The following VDAC3 variants were observed in gnomAD, a reference collection of about 807,000 sequenced individuals.
The protein encoded by VDAC3 is non-selective voltage-gated ion channel VDAC3.
Under a neutral mutation model 33.9 loss-of-function variants are expected in VDAC3, and 7 were observed. That is an observed-to-expected ratio of 0.21 (90% CI 0.12 to 0.39). The LOEUF (loss-of-function observed/expected upper bound fraction) is 0.39. VDAC3 is among the 10% of genes least tolerant of loss of function. The pLI is 1.00. For synonymous variants in VDAC3, 100 were observed against 122.4 expected (o/e 0.82, Z 1.21); for missense variants, 261 against 334.5 (o/e 0.78, Z 1.71).
intron 8 of VDAC3, 56 bp from the exon 9 acceptor site, chr8:42,404,811 A>G: frequency 6.8e-7 from 1 of 1,477,668 alleles, no homozygotes; most frequent in Non-Finnish European, 9.4e-7. Context: ...TGATGGTTAT[A>G]TTGGACTGAT....
At chr8:42,397,896 G>A (rs1341144061) in intron 4 of VDAC3, among the ~76,000 whole-genome samples, 1 of 152,058 alleles carries the variant, frequency 6.6e-6, no homozygotes, top group African/African-American at 2.4e-5. Flanking sequence ...CCACTTCACT[G>A]TACACTTAAA....
chr8:42,403,903 C>T (rs1220340508), intron 8 of VDAC3, among the ~76,000 whole-genome samples: 2 of 150,324 alleles, frequency 1.3e-5, no homozygotes, highest in African/African-American at 4.9e-5. Context: ...AAAAATTATG[C>T]TTGACGTCAG....
chr8:42,394,391 C>T (rs777686485), intron 3 of VDAC3, 113 bp downstream of exon 3: 40 of 936,324 alleles, frequency 4.3e-5, no homozygotes, highest in Non-Finnish European at 6.1e-5. Context: ...TTCCACTTCA[C>T]AAGATTTAAG....
intron 4 of VDAC3, among the ~76,000 whole-genome samples, 186 bp downstream of exon 4, chr8:42,395,319 CT>C (rs1290621877): frequency 4.6e-5 from 7 of 152,174 alleles, no homozygotes; most frequent in Admixed American, 3.9e-4. Flanking sequence ...TTGAAGAGAC[CT>C]TTTGTGTTTC....
chr8:42,399,155 T>TG (rs1306447736), intron 5 of VDAC3, among the ~76,000 whole-genome samples: 1 of 152,190 alleles, frequency 6.6e-6, no homozygotes, highest in Non-Finnish European at 1.5e-5. Context: ...TTGTAATTGT[T>TG]GAAAAATTGG....
chr8:42,400,673 C>CTTTTTTTT (rs1188886241), intron 6 of VDAC3, among the ~76,000 whole-genome samples: 35 of 72,306 alleles, frequency 4.8e-4, no homozygotes, highest in Non-Finnish European at 7.0e-4. Flanking sequence ...ATATTCTTTT[C>CTTTTTTTT]TTTTTTTTTT....
rs183736809 is a variant in VDAC3 at position 42,403,286 on chromosome 8, G to A, written c.552-25G>A. ...ACAATGGTACAAACTAGATATTTATGACGTTTTCTTATCTATGAAAACAGG... is the reference window on the plus strand; with the variant it reads ...ACAATGGTACAAACTAGATATTTATAACGTTTTCTTATCTATGAAAACAGG... On this transcript the variant is annotated intron_variant, in intron 7 of 9. Coordinates refer to ENST00000022615, the MANE Select transcript of VDAC3 (RefSeq NM_005662.7). The A allele has an allele frequency of 1.6e-4, 260 of 1,612,718 alleles. 1 individual carries two copies. The African/African-American group carries it at 3.1e-3, about 19-fold the overall frequency.
At chr8:42,399,548 C>G in intron 5 of VDAC3, 103 bp from the exon 6 acceptor site, 4 of 1,063,152 alleles carry the variant, frequency 3.8e-6, no homozygotes, top group Non-Finnish European at 5.4e-6. Context: ...TTGAATGACT[C>G]CTTTTTTTTG....
chr8:42,392,716 G>T (rs578208579), intron 1 of VDAC3, among the ~76,000 whole-genome samples: 1 of 152,300 alleles, frequency 6.6e-6, no homozygotes, highest in South Asian at 2.1e-4. Context: ...GTCCCTAGAC[G>T]TATATATAGT....
intron 6 of VDAC3, among the ~76,000 whole-genome samples, chr8:42,401,050 G>C (rs1489589641): frequency 7.9e-5 from 12 of 152,220 alleles, no homozygotes; most frequent in African/African-American, 2.6e-4. Context: ...AAAAAAGCAT[G>C]CTTCTCTCCA....
intron 7 of VDAC3, among the ~76,000 whole-genome samples, chr8:42,402,333 C>CTTCCTCTGCTGCCCTCTCATCT (rs1199380073): frequency 6.6e-6 from 1 of 152,182 alleles, no homozygotes; most frequent in African/African-American, 2.4e-5. Context: ...GATGTTACTG[C>CTTCCTCTGCTGCCCTCTCATCT]TTCCTCTGCT....
intron 7 of VDAC3, 52 bp downstream of exon 7, chr8:42,402,067 G>A: frequency 6.5e-7 from 1 of 1,545,312 alleles, no homozygotes; most frequent in East Asian, 2.3e-5. Context: ...CCAAAATATT[G>A]TAGCCATTAG....
chr8:42,393,068 AT>A (rs771767424), intron 1 of VDAC3, among the ~76,000 whole-genome samples: 9 of 151,322 alleles, frequency 5.9e-5, no homozygotes, highest in Non-Finnish European at 1.2e-4. Flanking sequence ...TTCCTCTTTA[AT>A]TTTTTTTTCT....
intron 6 of VDAC3, among the ~76,000 whole-genome samples, chr8:42,400,621 G>A (rs187619377): frequency 6.6e-6 from 1 of 150,866 alleles, no homozygotes; most frequent in Admixed American, 6.6e-5. Flanking sequence ...GTAACAACAG[G>A]TGTGTTCTTT....
At chr8:42,398,955 T>TA (rs2130888376) in intron 5 of VDAC3, 91 bp downstream of exon 5, 2 of 1,465,758 alleles carry the variant, frequency 1.4e-6, no homozygotes, top group Non-Finnish European at 1.8e-6. Context: ...AAAGAGATCT[T>TA]ACAACCTATC....
chr8:42,396,624 A>G, intron 4 of VDAC3: 1 of 680,954 alleles, frequency 1.5e-6, no homozygotes, highest in Non-Finnish European at 2.6e-6. Flanking sequence ...AAAAATTATC[A>G]ACTAAAATTT....
At position 42,405,509 on chromosome 8, in the gene VDAC3, A is replaced by G. The variant is rs762586347; in HGVS notation, c.*47A>G. On this transcript the variant is annotated 3_prime_UTR_variant, in exon 10 of 10. Coordinates refer to ENST00000022615, the MANE Select transcript of VDAC3 (RefSeq NM_005662.7). ...GATTTGTCCCTGGAAGTGAAGAGAA[A>G]TGAACCCACTATGTTTTGGCCTTAA... 8 of 1,494,918 alleles carry G rather than the reference A, an allele frequency of 5.4e-6. No homozygotes were observed. The highest frequency in any genetic ancestry group is 5.6e-6 in the Non-Finnish European group (6 of 1,079,226). The allele number at this position is 1,494,918 out of a possible 1,614,324, so 92.6% of individuals were successfully genotyped here.
At chr8:42,396,953 A>G in intron 4 of VDAC3, 2 of 395,702 alleles carry the variant, frequency 5.1e-6, no homozygotes, top group Non-Finnish European at 9.0e-6. Context: ...TGAACTGTGA[A>G]TCGTGAGCCT....
Position 42,401,975 on chromosome 8 carries a change from C to T in VDAC3, c.511C>T (p.Leu171=). 1.2e-6 allele frequency: 2 copies of T among 1,614,238 alleles called. No homozygotes were observed. The highest frequency in any genetic ancestry group is 1.7e-6 in the Non-Finnish European group (2 of 1,180,046). The change falls in exon 7 of 10, where the codon CTG becomes TTG. Residue 171 remains leucine (L), a synonymous_variant. Transcript: ENST00000022615. ...KSKLSQNNFA[L]GYKAADFQLH... ...CAAACTGTCACAGAATAATTTCGCC[C>T]TGGGTTACAAGGCTGCGGACTTCCA... is the stretch of plus-strand genomic sequence containing the variant.
Sources: allele counts gnomAD v4.1 joint callset (sites outside exome capture counted in the v4.1 genomes callset), GRCh38; gene constraint gnomAD v4.1.1; transcripts MANE v1.5; gene names NCBI Gene and HGNC (gene_info 2026-07-23, HGNC 2026-07-21).